Variants in PCNP observed in about 807,000 individuals in gnomAD.
PCNP encodes PEST proteolytic signal-containing nuclear protein.
A neutral mutation model predicts 21.8 loss-of-function variants in PCNP; 6 were observed. The ratio of observed to expected loss-of-function variants is 0.28; its 90% CI spans 0.15 to 0.54. The LOEUF (loss-of-function observed/expected upper bound fraction) is 0.54, where lower values mean the gene tolerates loss of function less well. Among genes scored for constraint, PCNP ranks in the 20% least tolerant of loss-of-function variants. PCNP has a pLI of 0.95. For synonymous variants in PCNP, 67 were observed against 73.2 expected (o/e 0.92, Z 0.43); for missense variants, 161 against 215.5 (o/e 0.75, Z 1.58).
chr3:101,584,697 T>A (rs1446341315), intron 2 of PCNP, among the ~76,000 whole-genome samples: 1 of 152,084 alleles, frequency 6.6e-6, no homozygotes, highest in East Asian at 1.9e-4. Context: ...CCCAAGTAAC[T>A]AGGATTACAG....
At chr3:101,582,460 A>G (rs1462217788) in intron 2 of PCNP, among the ~76,000 whole-genome samples, 1 of 152,164 alleles carries the variant, frequency 6.6e-6, no homozygotes, top group African/African-American at 2.4e-5. Context: ...AAAAATAGAT[A>G]AACTACAGTG....
chr3:101,580,109 T>A (rs746143449), intron 2 of PCNP, 105 bp downstream of exon 2: 11 of 779,388 alleles, frequency 1.4e-5, no homozygotes, highest in Admixed American at 6.7e-5. Flanking sequence ...AAAGGTACAT[T>A]GTTTGAGAAG....
chr3:101,592,614 T>C lies in PCNP; in HGVS notation c.411-13T>C. 1 of 1,576,966 alleles carries C rather than the reference T, an allele frequency of 6.3e-7. No homozygotes were observed. Among genetic ancestry groups the C allele is most frequent in the Non-Finnish European group, 8.6e-7 (1 of 1,166,778 alleles). On this transcript the variant is annotated splice_polypyrimidine_tract_variant and intron_variant, in intron 4 of 4. Coordinates refer to ENST00000265260, the MANE Select transcript of PCNP (RefSeq NM_020357.3). ...TATAACATTTTAAATAAATTTTCTTTCTTTTAACACAGGGATACACCAACA... is the reference window on the plus strand; with the variant it reads ...TATAACATTTTAAATAAATTTTCTTCCTTTTAACACAGGGATACACCAACA...
chr3:101,578,694 C>T (rs1935060139), intron 1 of PCNP, among the ~76,000 whole-genome samples: 1 of 152,164 alleles, frequency 6.6e-6, no homozygotes. Flanking sequence ...ATATCTATAG[C>T]CTCTGATCTT....
intron 2 of PCNP, among the ~76,000 whole-genome samples, chr3:101,580,547 T>C (rs1474970859): frequency 6.6e-6 from 1 of 152,220 alleles, no homozygotes; most frequent in African/African-American, 2.4e-5. Context: ...AATCAGTTAT[T>C]TGTATCTTAA....
chr3:101,581,127 TTTTCTA>T (rs1935199586), intron 2 of PCNP, among the ~76,000 whole-genome samples: 1 of 152,156 alleles, frequency 6.6e-6, no homozygotes, highest in African/African-American at 2.4e-5. Flanking sequence ...TGTTTGCCCT[TTTTCTA>T]TTTCTATTTT....
intron 1 of PCNP, 112 bp downstream of exon 1, chr3:101,574,391 C>G: frequency 5.3e-6 from 7 of 1,330,688 alleles, no homozygotes; most frequent in Non-Finnish European, 7.0e-6. Flanking sequence ...GGACCTCACC[C>G]GGCCAGGTGT....
chr3:101,579,114 A>G (rs1935092906), intron 1 of PCNP, among the ~76,000 whole-genome samples: 1 of 151,436 alleles, frequency 6.6e-6, no homozygotes. Flanking sequence ...AAACTAACAT[A>G]TAAACCAAAG....
chr3:101,590,046 T>G (rs759600222), intron 3 of PCNP, 169 bp from the exon 4 acceptor site: 68 of 597,944 alleles, frequency 1.1e-4, no homozygotes, highest in Non-Finnish European at 1.7e-4. Flanking sequence ...AGACAGGCAT[T>G]TATTTTTTAA....
chr3:101,575,698 C>T (rs1285274926), intron 1 of PCNP, among the ~76,000 whole-genome samples: 1 of 152,090 alleles, frequency 6.6e-6, no homozygotes, highest in Non-Finnish European at 1.5e-5. Flanking sequence ...ATTTTAAGGC[C>T]ATCTCGTTAA....
At chr3:101,574,337 T>C in intron 1 of PCNP, 58 bp downstream of exon 1, 2 of 660,292 alleles carry the variant, frequency 3.0e-6, no homozygotes, top group Admixed American at 2.9e-5. Context: ...TTCTTTGAGC[T>C]CCCAGGGTGG....
At chr3:101,590,775 C>T (rs1005024974) in intron 4 of PCNP, among the ~76,000 whole-genome samples, 2 of 152,160 alleles carry the variant, frequency 1.3e-5, no homozygotes, top group Admixed American at 6.5e-5. Flanking sequence ...TCTGTAACTC[C>T]TGAGTGCAAG....
intron 2 of PCNP, among the ~76,000 whole-genome samples, chr3:101,584,835 T>C (rs1361854370): frequency 6.6e-6 from 1 of 152,168 alleles, no homozygotes; most frequent in Non-Finnish European, 1.5e-5. Context: ...ACCTCGTCTC[T>C]ACTAAATATA....
chr3:101,576,573 G>A, intron 1 of PCNP: 2 of 1,611,054 alleles, frequency 1.2e-6, no homozygotes, highest in Non-Finnish European at 1.7e-6. Context: ...GGCCCCAGAA[G>A]TGACGCAGCC....
intron 1 of PCNP, among the ~76,000 whole-genome samples, chr3:101,577,627 C>A (rs62282183): frequency 6.6e-6 from 1 of 152,136 alleles, no homozygotes; most frequent in Non-Finnish European, 1.5e-5. Context: ...TGGGTTCAAG[C>A]GATTCTCCTG....
chr3:101,575,136 C>G (rs1934798492), intron 1 of PCNP, among the ~76,000 whole-genome samples: 1 of 152,190 alleles, frequency 6.6e-6, no homozygotes, highest in Non-Finnish European at 1.5e-5. Flanking sequence ...CGTAATCTCT[C>G]CAGCTCCCTC....
intron 1 of PCNP, among the ~76,000 whole-genome samples, chr3:101,578,510 A>G (rs16844078): frequency 0.15 from 22,727 of 152,212 alleles, 1,715 homozygotes; most frequent in South Asian, 0.2. Context: ...TCTTAGGGAA[A>G]TCCCAAAACA....
Position 101,579,927 on chromosome 3 carries a change from A to G in PCNP, c.202A>G (p.Ile68Val). 6.2e-7 allele frequency: 1 copy of G among 1,614,084 alleles called. No individual in the cohort carries two copies. The highest frequency in any genetic ancestry group is 1.1e-5 in the South Asian group (1 of 91,084). The change falls in exon 2 of 5, where the codon ATC becomes GTC. Residue 68 changes from isoleucine (I) to valine (V), a missense_variant. Around this residue, in one of 4 missense-constraint regions of PCNP, gnomAD observed 46 missense variants for 39.3 expected, o/e 1.17. Coordinates refer to ENST00000265260, the MANE Select transcript of PCNP (RefSeq NM_020357.3). ...AADLPTKPTK[I>V]SKFGFAIGSQ... ...CGACCTCCCAACAAAGCCTACAAAG[A>G]TCTCCAAGTTTGGATTTGCCATAGG... is the stretch of plus-strand genomic sequence containing the variant.
intron 1 of PCNP, among the ~76,000 whole-genome samples, chr3:101,578,430 G>T (rs1935045425): frequency 6.6e-6 from 1 of 152,002 alleles, no homozygotes; most frequent in East Asian, 1.9e-4. Flanking sequence ...AATTCTTCAG[G>T]TGCTTTTGTG....
Sources: gnomAD v4.1 joint callset for allele counts (sites outside exome capture counted in the v4.1 genomes callset) on GRCh38, gnomAD v4.1.1 for gene constraint, gnomAD v4.1.1 regional missense constraint, MANE v1.5 for transcripts, NCBI Gene and HGNC (gene_info 2026-07-23, HGNC 2026-07-21) for gene names.